TOM1L1: variants seen among roughly 807,000 people sequenced by gnomAD.
TOM1L1 encodes the protein target of myb1 like 1 membrane trafficking protein.
TOM1L1 carries 64 observed loss-of-function variants against 63.4 expected under a neutral mutation model. The observed-to-expected ratio is 1.01, with a 90% confidence interval of 0.83 to 1.24. The LOEUF (loss-of-function observed/expected upper bound fraction) is 1.24. Among genes scored for constraint, TOM1L1 ranks in the 50% most tolerant of loss-of-function variants. TOM1L1 has a pLI of 0.00. For synonymous variants in TOM1L1, 166 were observed against 194.4 expected (o/e 0.85, Z 1.22); for missense variants, 536 against 567.0 (o/e 0.95, Z 0.55).
At chr17:54,903,844 C>A in intron 2 of TOM1L1, 52 bp downstream of exon 2, 1 of 1,487,758 alleles carries the variant, frequency 6.7e-7, no homozygotes, top group Non-Finnish European at 9.3e-7. Context: ...AGCATCAGAA[C>A]TACAGCACGT....
chr17:54,956,282 C>A (rs894379354), intron 14 of TOM1L1, among the ~76,000 whole-genome samples: 15 of 151,990 alleles, frequency 9.9e-5, no homozygotes, highest in Non-Finnish European at 2.2e-4. Flanking sequence ...GTAGCTGAGA[C>A]TATTGGGGTG....
At chr17:54,956,934 G>A (rs2049541041) in intron 14 of TOM1L1, 1 of 152,220 alleles carries the variant, frequency 6.6e-6, no homozygotes, top group Admixed American at 6.5e-5. Flanking sequence ...CAGGTCACAT[G>A]TTATGGTAAT....
At chr17:54,955,513 T>C (rs1369545400) in intron 14 of TOM1L1, among the ~76,000 whole-genome samples, 3 of 152,172 alleles carry the variant, frequency 2.0e-5, no homozygotes, top group African/African-American at 7.2e-5. Context: ...CCTGATATTT[T>C]AGGGGTTGCC....
intron 3 of TOM1L1, among the ~76,000 whole-genome samples, chr17:54,907,511 C>T (rs1326963885): frequency 6.6e-6 from 1 of 152,160 alleles, no homozygotes; most frequent in African/African-American, 2.4e-5. Context: ...GAGTAGGCTA[C>T]TGTGTTTCCT....
rs1049757137 is a variant in TOM1L1 at position 54,937,046 on chromosome 17, A to G, written c.916-63A>G. On this transcript the variant is annotated intron_variant, in intron 9 of 15. Transcript: ENST00000575882. ...GGATCCTCCCCTCTACAAAGGAGAA[A>G]GTATGGGGAGAAAGCTGTGATAAAC... 13 of 1,353,818 alleles carry G rather than the reference A, an allele frequency of 9.6e-6. No individual in the cohort carries two copies. The African/African-American group carries it at 1.9e-4, about 20-fold the overall frequency. The allele number at this position is 1,353,818 out of a possible 1,614,324, so 83.9% of individuals were successfully genotyped here. A position where few individuals can be genotyped will look rare whatever the true frequency, so the allele number is the denominator to read the frequency against.
intron 1 of TOM1L1, chr17:54,901,269 C>T: frequency 2.8e-6 from 1 of 363,270 alleles, no homozygotes. Context: ...TTCCTAAAGG[C>T]ACATTCTCCA....
intron 3 of TOM1L1, among the ~76,000 whole-genome samples, chr17:54,910,638 A>G (rs1256300623): frequency 6.6e-6 from 1 of 152,238 alleles, no homozygotes. Flanking sequence ...TTAAAAATTC[A>G]TTATAATAAT....
At chr17:54,939,760 G>A (rs1010364679) in intron 11 of TOM1L1, among the ~76,000 whole-genome samples, 2 of 152,046 alleles carry the variant, frequency 1.3e-5, no homozygotes, top group Admixed American at 6.6e-5. Flanking sequence ...ATGGGGTCTC[G>A]CTTTGTTGCC....
chr17:54,953,815 T>C (rs1480850814), intron 14 of TOM1L1: 2 of 152,218 alleles, frequency 1.3e-5, no homozygotes, highest in African/African-American at 4.8e-5. Context: ...TATTGCCACT[T>C]TTTAGAGTTT....
intron 3 of TOM1L1, among the ~76,000 whole-genome samples, chr17:54,910,317 A>C (rs567037736): frequency 6.6e-6 from 1 of 152,128 alleles, no homozygotes; most frequent in Non-Finnish European, 1.5e-5. Flanking sequence ...TTAGCTGGGC[A>C]TGGTGGTGCA....
At chr17:54,902,383 G>A (rs1030637603) in intron 1 of TOM1L1, among the ~76,000 whole-genome samples, 1 of 152,096 alleles carries the variant, frequency 6.6e-6, no homozygotes, top group Non-Finnish European at 1.5e-5. Context: ...TCCGCCTACC[G>A]GGTTCAAGCA....
At chr17:54,939,364 A>T (rs2049001226) in intron 11 of TOM1L1, among the ~76,000 whole-genome samples, 1 of 152,172 alleles carries the variant, frequency 6.6e-6, no homozygotes, top group Non-Finnish European at 1.5e-5. Flanking sequence ...GTAAGCCTTC[A>T]ATAAATTGTC....
chr17:54,931,707 G>T (rs1181504944), intron 8 of TOM1L1, among the ~76,000 whole-genome samples: 1 of 152,160 alleles, frequency 6.6e-6, no homozygotes, highest in Non-Finnish European at 1.5e-5. Context: ...GGAGGCTGAG[G>T]TGGGAGCATC....
chr17:54,949,203 ATT>A (rs58407367), intron 12 of TOM1L1, among the ~76,000 whole-genome samples: 16 of 122,260 alleles, frequency 1.3e-4, no homozygotes, highest in African/African-American at 3.8e-4. Context: ...ATGCCCAGCT[ATT>A]TTTTTTTTTT....
intron 1 of TOM1L1, 179 bp downstream of exon 1, chr17:54,901,102 C>T: frequency 1.3e-6 from 1 of 790,806 alleles, no homozygotes; most frequent in South Asian, 1.7e-5. Context: ...TCGTTTCCTT[C>T]TTGGCCAACT....
intron 1 of TOM1L1, among the ~76,000 whole-genome samples, chr17:54,903,192 C>A (rs991561827): frequency 2.0e-5 from 3 of 152,164 alleles, no homozygotes; most frequent in Non-Finnish European, 4.4e-5. Flanking sequence ...CCTGTCCCCC[C>A]AGAGAATAAA....
chr17:54,919,993 T>TATTG (rs892432089), intron 7 of TOM1L1, among the ~76,000 whole-genome samples: 1 of 151,478 alleles, frequency 6.6e-6, no homozygotes, highest in Non-Finnish European at 1.5e-5. Flanking sequence ...TTGATTTATT[T>TATTG]ATTTATTTAT....
At position 54,943,441 on chromosome 17, in the gene TOM1L1, G is replaced by GGTGTGTGTGTGTGT. The variant is rs10694555; in HGVS notation, c.1131-3794_1131-3781dup. Among the ~76,000 whole-genome samples, 221 of 134,434 alleles carry GGTGTGTGTGTGTGT rather than the reference G, an allele frequency of 1.6e-3. 1 individual carries two copies. Among genetic ancestry groups the GGTGTGTGTGTGTGT allele is most frequent in the African/African-American group, 4.9e-3 (174 of 35,216 alleles). The allele number at this position is 134,434 out of a possible 152,430, so 88.2% of individuals were successfully genotyped here. ...GATTTTGACTGTATCTTTGTATAAT[G>GGTGTGTGTGTGTGT]GTGTGTGTGTGTGTGTGTGTGTGTG... On this transcript the variant is annotated intron_variant, in intron 11 of 15. Transcript: ENST00000575882.
intron 1 of TOM1L1, among the ~76,000 whole-genome samples, chr17:54,902,942 A>G (rs1265835683): frequency 3.3e-5 from 5 of 152,236 alleles, no homozygotes; most frequent in African/African-American, 1.2e-4. Flanking sequence ...ATAGTTATCC[A>G]GCGCCAGTTT....
Sources: allele counts gnomAD v4.1 joint callset (sites outside exome capture counted in the v4.1 genomes callset), GRCh38; gene constraint gnomAD v4.1.1; transcripts MANE v1.5; gene names NCBI Gene and HGNC (gene_info 2026-07-23, HGNC 2026-07-21).